MYT1L: variants seen among roughly 807,000 people sequenced by gnomAD.
MYT1L encodes the protein myelin transcription factor 1 like.
A neutral mutation model predicts 126.7 loss-of-function variants in MYT1L; 12 were observed. The observed-to-expected ratio is 0.09, with a 90% CI of 0.06 to 0.15. The LOEUF is 0.15. Ranked by LOEUF, MYT1L falls within the 10% of genes least tolerant of loss-of-function variation. The pLI, the probability that MYT1L is intolerant of heterozygous loss-of-function variation, is 1.00. For missense variants in MYT1L, 979 were observed against 1,585.2 expected, an observed-to-expected ratio of 0.62 and a Z score of 6.49; for synonymous variants, 541 against 604.2, an observed-to-expected ratio of 0.90 and a Z score of 1.53.
At chr2:2,249,739 A>G (rs2094599753) in intron 2 of MYT1L, among the ~76,000 whole-genome samples, 1 of 152,164 alleles carries the variant, frequency 6.6e-6, no homozygotes, top group Non-Finnish European at 1.5e-5. Context: ...TGAAGAGACA[A>G]CCTACAGAAA....
intron 18 of MYT1L, among the ~76,000 whole-genome samples, chr2:1,869,188 A>G: frequency 6.8e-6 from 1 of 146,052 alleles, no homozygotes; most frequent in East Asian, 1.9e-4. Context: ...TCCACCAGAG[A>G]CAAAGCACAC....
rs776159842 is a variant in MYT1L at position 1,922,638 on chromosome 2, C to T, written c.1131G>A (p.Ser377=). 42 of 1,613,786 alleles carry T rather than the reference C, an allele frequency of 2.6e-5. No homozygotes were observed. Among genetic ancestry groups the T allele is most frequent in the Middle Eastern group, 1.6e-4 (1 of 6,084 alleles). ...FPGRTPDRNY[S]DMLNLMRLEE... ...CCAGCCGCATGAGGTTCAGCATGTC[C>T]GAGTAGTTTCTGTCCGGCGTCCTTC... The change falls in exon 10 of 25, where the codon TCG becomes TCA. Residue 377 remains serine (S), a synonymous_variant. Coordinates refer to ENST00000647738, the MANE Select transcript of MYT1L (RefSeq NM_001303052.2). This position sits in a 1 kb window ranked among gnomAD's most constrained non-coding sequence, Gnocchi z 7.4.
chr2:1,887,358 T>A lies in MYT1L; in HGVS notation c.2642+130A>T. 8.2e-7 allele frequency: 1 copy of A among 1,226,408 alleles called. No homozygotes were observed. The allele number at this position is 1,226,408 out of a possible 1,614,324, so 76.0% of individuals were successfully genotyped here. On this transcript the variant is annotated intron_variant, in intron 17 of 24. Transcript: ENST00000647738. This position sits in a 1 kb window ranked among gnomAD's most constrained non-coding sequence, Gnocchi z 4.8. ...GCTGCTCACTCTACTGACCCAGCAG[T>A]CGGAAACATTTATATGCTGCGAATG...
chr2:2,101,553 C>T lies in MYT1L; in HGVS notation c.-303-47430G>A, dbSNP rs182350438. On this transcript the variant is annotated intron_variant, in intron 3 of 24. Transcript: ENST00000647738. ...GCAACCCAGCCACCCATCCATCAAC[C>T]CATCCATCCATCAACTCATCTACCC... Among the ~76,000 whole-genome samples, 7 of 152,028 alleles carry T rather than the reference C, an allele frequency of 4.6e-5. No homozygotes were observed. The East Asian group carries it at 1.4e-3, about 29-fold the overall frequency.
At chr2:1,966,737 T>C (rs773433116) in intron 8 of MYT1L, among the ~76,000 whole-genome samples, 5 of 149,942 alleles carry the variant, frequency 3.3e-5, no homozygotes, top group Non-Finnish European at 7.4e-5. Flanking sequence ...AAACATTTAA[T>C]GGGTATTTGG....
At chr2:2,269,459 A>C (rs1469960836) in intron 2 of MYT1L, among the ~76,000 whole-genome samples, 1 of 152,230 alleles carries the variant, frequency 6.6e-6, no homozygotes, top group Non-Finnish European at 1.5e-5. Context: ...TGAAGGTTAC[A>C]GGAGGTAACG....
Position 1,791,415 on chromosome 2 carries a change from C to T in MYT1L, c.*452G>A, listed in dbSNP as rs201638049. 1.4e-4 allele frequency: 54 copies of T among 381,264 alleles called. No homozygotes were observed. In the East Asian group the frequency reaches 3.5e-3, roughly 24 times the overall value. The allele number at this position is 381,264 out of a possible 1,614,324, so 23.6% of individuals were successfully genotyped here. A position where few individuals can be genotyped will look rare whatever the true frequency, so the allele number is the denominator to read the frequency against. Reference sequence around the variant, plus strand: ...CCTCCAACATGAGGCAAAATGATAACGTCTAAAAAGCGGCTGCTCAGCCAC... The same window carrying T: ...CCTCCAACATGAGGCAAAATGATAATGTCTAAAAAGCGGCTGCTCAGCCAC... On this transcript the variant is annotated 3_prime_UTR_variant, in exon 25 of 25. Transcript: ENST00000647738. This position sits in a 1 kb window ranked among gnomAD's most constrained non-coding sequence, Gnocchi z 6.0.
chr2:2,222,497 A>G (rs2093905234), intron 2 of MYT1L, among the ~76,000 whole-genome samples: 1 of 9,100 alleles, frequency 1.1e-4, no homozygotes, highest in Non-Finnish European at 2.6e-4. Context: ...CTTTGTCTCA[A>G]AAAAAAAAAA....
chr2:1,882,468 C>T lies in MYT1L; in HGVS notation c.2711+4071G>A, dbSNP rs529526630. On this transcript the variant is annotated intron_variant, in intron 18 of 24. Coordinates refer to ENST00000647738, the MANE Select transcript of MYT1L (RefSeq NM_001303052.2). ...TGGGAGATCACACATTAGCTCTCCT[C>T]CCAATGTGGAGGCTGAAATCACACA... Among the ~76,000 whole-genome samples the T allele has an allele frequency of 1.8e-4, 28 of 152,290 alleles. No homozygotes were observed. The South Asian group carries it at 3.7e-3, about 20-fold the overall frequency.
At chr2:1,966,935 T>C (rs2059409078) in intron 8 of MYT1L, among the ~76,000 whole-genome samples, 1 of 152,298 alleles carries the variant, frequency 6.6e-6, no homozygotes, top group South Asian at 2.1e-4. Context: ...AAACAATAGA[T>C]TATTTTTTTT....
chr2:1,996,352 G>A (rs773970843), intron 5 of MYT1L, among the ~76,000 whole-genome samples: 5 of 151,882 alleles, frequency 3.3e-5, no homozygotes, highest in Middle Eastern at 3.2e-3. Flanking sequence ...GTACAGAACC[G>A]AGTGTAGACG....
At chr2:1,882,523 A>G (rs1458457040) in intron 18 of MYT1L, among the ~76,000 whole-genome samples, 1 of 152,210 alleles carries the variant, frequency 6.6e-6, no homozygotes, top group Non-Finnish European at 1.5e-5. Context: ...CTGAATTTAC[A>G]CAGAGGTCAA....
chr2:2,309,197 T>C (rs948710036), intron 1 of MYT1L, among the ~76,000 whole-genome samples: 2 of 151,908 alleles, frequency 1.3e-5, no homozygotes, highest in African/African-American at 4.8e-5. Context: ...TTAGGTATAC[T>C]CTACCCATAC....
chr2:1,922,768 C>T lies in MYT1L; in HGVS notation c.1001G>A (p.Cys334Tyr). Reference protein sequence around the residue: ...LSSLECLRNQCFDLARKLSET... With the variant: ...LSSLECLRNQYFDLARKLSET... ...ACTGAGCTTCCTGGCCAGGTCGAAGCACTGATTCCTCAAACACTCCAGACT... is the reference window on the plus strand; with the variant it reads ...ACTGAGCTTCCTGGCCAGGTCGAAGTACTGATTCCTCAAACACTCCAGACT... The change falls in exon 10 of 25, where the codon TGC becomes TAC. Residue 334 changes from cysteine (C) to tyrosine (Y), a missense_variant. By Grantham distance (194) the Cys-to-Tyr change is radical (BLOSUM62 -2). Around this residue, in one of 12 missense-constraint regions of MYT1L, gnomAD observed 243 missense variants for 363.9 expected, o/e 0.67. Coordinates refer to ENST00000647738, the MANE Select transcript of MYT1L (RefSeq NM_001303052.2). This position sits in a 1 kb window ranked among gnomAD's most constrained non-coding sequence, Gnocchi z 7.4. 1 of 1,613,986 alleles carries T rather than the reference C, an allele frequency of 6.2e-7. No homozygotes were observed. Among genetic ancestry groups the T allele is most frequent in the South Asian group, 1.1e-5 (1 of 91,084 alleles).
intron 3 of MYT1L, among the ~76,000 whole-genome samples, chr2:2,058,284 C>T (rs73913054): frequency 0.01 from 1,546 of 152,256 alleles, 28 homozygotes; most frequent in African/African-American, 0.031. Flanking sequence ...TGTTTTAAAT[C>T]GTTGAATTTG....
intron 5 of MYT1L, among the ~76,000 whole-genome samples, chr2:1,990,439 C>G (rs753546573): frequency 6.5e-4 from 99 of 152,318 alleles, no homozygotes; most frequent in Non-Finnish European, 7.5e-4. Flanking sequence ...AAGACAGATA[C>G]TCAAGCACCA....
At chr2:1,871,031 C>A (rs2046216573) in intron 18 of MYT1L, among the ~76,000 whole-genome samples, 1 of 152,144 alleles carries the variant, frequency 6.6e-6, no homozygotes, top group Admixed American at 6.5e-5. Flanking sequence ...ATCACAAATT[C>A]CCCGCAGAGG....
At chr2:2,015,386 TA>T (rs2149790313) in intron 4 of MYT1L, among the ~76,000 whole-genome samples, 1 of 152,308 alleles carries the variant, frequency 6.6e-6, no homozygotes, top group African/African-American at 2.4e-5. Flanking sequence ...CACCGTGCTC[TA>T]AAGATAAGGA....
In MYT1L at chr2:1,896,944, G is replaced by A. The variant is rs1052272892; in HGVS notation, c.2033-4657C>T. Among the ~76,000 whole-genome samples, 29 of 152,066 alleles carry A rather than the reference G, an allele frequency of 1.9e-4. 1 individual carries two copies. Among genetic ancestry groups the A allele is most frequent in the Admixed American group, 1.6e-3 (24 of 15,262 alleles). On this transcript the variant is annotated intron_variant, in intron 14 of 24. Coordinates refer to ENST00000647738, the MANE Select transcript of MYT1L (RefSeq NM_001303052.2). ...TGAAGTTATAAAATGTAGATGTGAC[G>A]ATGCATTGACTTTCCCAGATATTTA...
Sources: gnomAD v4.1 joint callset for allele counts (sites outside exome capture counted in the v4.1 genomes callset) on GRCh38, gnomAD v4.1.1 for gene constraint, gnomAD v4.1.1 regional missense constraint, Gnocchi (gnomAD v3.1) non-coding constraint, MANE v1.5 for transcripts, NCBI Gene and HGNC (gene_info 2026-07-23, HGNC 2026-07-21) for gene names.